ADARB2: variants seen among roughly 807,000 people sequenced by gnomAD.
ADARB2 encodes the protein adenosine deaminase RNA specific B2 (inactive).
In ADARB2, 25 loss-of-function variants were observed where a neutral mutation model predicts 62.2. The ratio of observed to expected loss-of-function variants is 0.40; its 90% CI spans 0.29 to 0.56. The LOEUF is 0.56. ADARB2 is among the 20% of genes least tolerant of loss of function. ADARB2 has a pLI of 0.43. For missense variants in ADARB2, 1,071 were observed against 1,077.4 expected (o/e 0.99, Z 0.08); for synonymous variants, 572 against 500.8 (o/e 1.14, Z -1.90).
rs951869343 is a variant in ADARB2 at position 1,316,429 on chromosome 10, C to T, written c.1078-45360G>A. On this transcript the variant is annotated intron_variant, in intron 3 of 9. Coordinates refer to ENST00000381312, the MANE Select transcript of ADARB2 (RefSeq NM_018702.4). ...GCTGCAGGACTCCTGTGAGTGGCAA[C>T]GTGCAAGGTGCTGATGGCAGTGTCG... 5.1e-4 allele frequency among the ~76,000 whole-genome samples: 77 copies of T among 152,354 alleles called. 2 individuals carry two copies. Among genetic ancestry groups the T allele is most frequent in the South Asian group, 2.1e-4 (1 of 4,828 alleles).
intron 1 of ADARB2, among the ~76,000 whole-genome samples, chr10:1,484,115 AT>A (rs1442907487): frequency 1.3e-5 from 2 of 152,220 alleles, no homozygotes; most frequent in African/African-American, 4.8e-5. Context: ...CTGAAACACA[AT>A]TTCCTGCTAG....
At chr10:1,522,976 AGC>A (rs1392267165) in intron 1 of ADARB2, among the ~76,000 whole-genome samples, 3 of 152,160 alleles carry the variant, frequency 2.0e-5, no homozygotes, top group Non-Finnish European at 4.4e-5. Context: ...AAAGCCCTTA[AGC>A]TCTCTTTCAG....
chr10:1,481,645 T>TCA (rs1831472464), intron 1 of ADARB2, among the ~76,000 whole-genome samples: 1 of 149,534 alleles, frequency 6.7e-6, no homozygotes, highest in South Asian at 2.1e-4. Context: ...GATCACGAGG[T>TCA]CAGGAGTTCA....
intron 3 of ADARB2, chr10:1,361,451 G>A (rs773607699): frequency 6.6e-6 from 1 of 152,136 alleles, no homozygotes; most frequent in Non-Finnish European, 1.5e-5. Flanking sequence ...GAGTTTGGAC[G>A]GCAAGACTGA....
intron 2 of ADARB2, among the ~76,000 whole-genome samples, chr10:1,365,655 T>C (rs979671176): frequency 3.3e-5 from 5 of 152,126 alleles, no homozygotes; most frequent in African/African-American, 9.7e-5. Flanking sequence ...GTAGGTACCA[T>C]AGGTCGGTGG....
At chr10:1,638,213 C>T (rs1179763310) in intron 1 of ADARB2, among the ~76,000 whole-genome samples, 5 of 152,178 alleles carry the variant, frequency 3.3e-5, no homozygotes, top group Non-Finnish European at 7.3e-5. Context: ...AGATATTACA[C>T]TTCAATATAT....
intron 1 of ADARB2, among the ~76,000 whole-genome samples, chr10:1,579,282 G>C (rs534045584): frequency 2.0e-5 from 3 of 152,248 alleles, no homozygotes; most frequent in African/African-American, 7.2e-5. Context: ...TGAATAGAAG[G>C]CACAATTTAC....
intron 2 of ADARB2, among the ~76,000 whole-genome samples, chr10:1,367,654 A>G (rs1197853769): frequency 6.6e-6 from 1 of 152,222 alleles, no homozygotes; most frequent in Non-Finnish European, 1.5e-5. Context: ...AAAAAACCCA[A>G]CAAGATCAAC....
At chr10:1,393,054 CTCCT>C (rs1476586218) in intron 1 of ADARB2, among the ~76,000 whole-genome samples, 2 of 152,208 alleles carry the variant, frequency 1.3e-5, no homozygotes, top group Non-Finnish European at 2.9e-5. Context: ...GTGACAGGAG[CTCCT>C]AGTAGCTGTG....
rs146475933 is a variant in ADARB2, at chr10:1,594,597, G to A, written c.100+142454C>T. ...GCAAACACCCTGGCTCCAGCACAGG[G>A]CCTCAGACAGACCCTTTGCAGTGGC... On this transcript the variant is annotated intron_variant, in intron 1 of 9. Transcript: ENST00000381312. 8.0e-4 allele frequency among the ~76,000 whole-genome samples: 122 copies of A among 152,314 alleles called. 3 individuals are homozygous for A. In the East Asian group the frequency reaches 0.02, roughly 25 times the overall value.
chr10:1,676,078 C>T, intron 1 of ADARB2: 1 of 985,314 alleles, frequency 1.0e-6, no homozygotes, highest in Non-Finnish European at 1.2e-6. Flanking sequence ...CTTCTGAGTC[C>T]AGGATCCATC....
At chr10:1,492,671 C>T (rs756012784) in intron 1 of ADARB2, among the ~76,000 whole-genome samples, 2 of 152,116 alleles carry the variant, frequency 1.3e-5, no homozygotes, top group Non-Finnish European at 2.9e-5. Flanking sequence ...ACCTGGGACT[C>T]GACTAAGGAG....
intron 1 of ADARB2, among the ~76,000 whole-genome samples, chr10:1,399,565 CG>C (rs1308971748): frequency 6.6e-6 from 1 of 152,130 alleles, no homozygotes; most frequent in African/African-American, 2.4e-5. Context: ...CTCAGCTTCC[CG>C]GGAAGTGGCT....
chr10:1,201,650 C>T (rs1001293375), intron 7 of ADARB2, among the ~76,000 whole-genome samples: 4 of 149,672 alleles, frequency 2.7e-5, no homozygotes, highest in African/African-American at 9.9e-5. Context: ...TCACTGAGGA[C>T]CTTCATTCCA....
intron 8 of ADARB2, among the ~76,000 whole-genome samples, chr10:1,185,472 G>C (rs532914143): frequency 4.3e-4 from 65 of 150,924 alleles, no homozygotes; most frequent in African/African-American, 1.5e-3. Context: ...TGGCTCCCTC[G>C]GGTTTACAGT....
intron 1 of ADARB2, among the ~76,000 whole-genome samples, chr10:1,579,013 C>T (rs527611223): frequency 3.3e-5 from 5 of 152,176 alleles, no homozygotes; most frequent in African/African-American, 9.6e-5. Context: ...GGGCAGGAGG[C>T]AGGTGGATAG....
In ADARB2 at chr10:1,180,473, G is replaced by T. The variant is rs2131731110; in HGVS notation, c.*2720C>A. On this transcript the variant is annotated 3_prime_UTR_variant, in exon 10 of 10. Transcript: ENST00000381312. ...GGAATCCTGGGACCTGGCCCCTTCGGGCACTCCTGGCACTGTGGAATCCTA... is the reference window on the plus strand; with the variant it reads ...GGAATCCTGGGACCTGGCCCCTTCGTGCACTCCTGGCACTGTGGAATCCTA... 6.5e-6 allele frequency: 1 copy of T among 152,688 alleles called. No individual in the cohort carries two copies. Among genetic ancestry groups the T allele is most frequent in the South Asian group, 2.1e-4 (1 of 4,832 alleles). The allele number at this position is 152,688 out of a possible 1,614,324, so 9.5% of individuals were successfully genotyped here.
intron 3 of ADARB2, among the ~76,000 whole-genome samples, chr10:1,324,715 CAGATATT>C (rs1327548281): frequency 6.6e-6 from 1 of 152,054 alleles, no homozygotes. Context: ...CAGTGGCCAC[CAGATATT>C]AAAGTTATGG....
At chr10:1,351,230 C>G (rs538518981) in intron 3 of ADARB2, among the ~76,000 whole-genome samples, 23 of 152,290 alleles carry the variant, frequency 1.5e-4, no homozygotes, top group Non-Finnish European at 3.1e-4. Context: ...TGACGCTGCC[C>G]GATCACCTCA....
Sources: gnomAD v4.1 joint callset for allele counts (sites outside exome capture counted in the v4.1 genomes callset) on GRCh38, gnomAD v4.1.1 for gene constraint, MANE v1.5 for transcripts, NCBI Gene and HGNC (gene_info 2026-07-23, HGNC 2026-07-21) for gene names.